Variants in FBXO15 observed in about 807,000 individuals in gnomAD.
FBXO15 encodes F-box only protein 15.
Under a neutral mutation model 49.5 loss-of-function variants are expected in FBXO15, and 30 were observed. The ratio of observed to expected loss-of-function variants is 0.61; its 90% CI spans 0.45 to 0.82. FBXO15 has a LOEUF of 0.82. Among genes scored for constraint, FBXO15 ranks in the 40% least tolerant of loss-of-function variants. The probability of loss-of-function intolerance (pLI) is 0.00; values close to 1 mark genes in which losing one functional copy is unlikely to be tolerated. For synonymous variants in FBXO15, 250 were observed against 232.7 expected (o/e 1.07, Z -0.68); for missense variants, 591 against 631.5 (o/e 0.94, Z 0.69).
intron 2 of FBXO15, among the ~76,000 whole-genome samples, chr18:74,136,743 A>T (rs1978748561): frequency 6.6e-6 from 1 of 152,228 alleles, no homozygotes; most frequent in Admixed American, 6.5e-5. Context: ...TCTGAAAGCG[A>T]CTAGAAAGTA....
chr18:74,084,466 G>A (rs1015605727), intron 8 of FBXO15, among the ~76,000 whole-genome samples: 2 of 152,242 alleles, frequency 1.3e-5, no homozygotes, highest in African/African-American at 4.8e-5. Context: ...AGGTTCTGAG[G>A]CTGCTAATGG....
At chr18:74,140,886 T>TA (rs940812502) in intron 1 of FBXO15, 1 of 152,222 alleles carries the variant, frequency 6.6e-6, no homozygotes, top group South Asian at 2.1e-4. Context: ...AAGTTTTTTT[T>TA]AAAAAACTTA....
chr18:74,082,189 C>T (rs1220770302), intron 8 of FBXO15, 138 bp from the exon 9 acceptor site: 4 of 678,228 alleles, frequency 5.9e-6, no homozygotes, highest in Non-Finnish European at 9.2e-6. Context: ...ATGGGCACAG[C>T]AATCCCAGCC....
intron 2 of FBXO15, among the ~76,000 whole-genome samples, chr18:74,138,963 C>T (rs1978893290): frequency 6.6e-6 from 1 of 152,182 alleles, no homozygotes; most frequent in Non-Finnish European, 1.5e-5. Flanking sequence ...TGGGAAACTA[C>T]ATGGCATCCA....
At chr18:74,095,504 C>T (rs966048021) in intron 8 of FBXO15, among the ~76,000 whole-genome samples, 1 of 152,168 alleles carries the variant, frequency 6.6e-6, no homozygotes, top group African/African-American at 2.4e-5. Context: ...GACGGCTGAA[C>T]AGCTGGCCAG....
chr18:74,094,673 G>A (rs1406160063), intron 8 of FBXO15, among the ~76,000 whole-genome samples: 2 of 152,182 alleles, frequency 1.3e-5, no homozygotes, highest in Admixed American at 6.5e-5. Flanking sequence ...ATACAGCAGA[G>A]ACAAAGTAGA....
intron 8 of FBXO15, among the ~76,000 whole-genome samples, chr18:74,119,907 C>A (rs1474738782): frequency 6.6e-6 from 1 of 152,196 alleles, no homozygotes; most frequent in African/African-American, 2.4e-5. Flanking sequence ...GCAGCCATCT[C>A]ACCTCATCTC....
chr18:74,079,896 T>C (rs1441405705), intron 9 of FBXO15, among the ~76,000 whole-genome samples: 2 of 152,160 alleles, frequency 1.3e-5, no homozygotes, highest in East Asian at 3.9e-4. Flanking sequence ...GGCAGCATCC[T>C]CCGTCATTAT....
chr18:74,116,382 G>C (rs1380655742), intron 8 of FBXO15, among the ~76,000 whole-genome samples: 4 of 152,126 alleles, frequency 2.6e-5, no homozygotes, highest in Non-Finnish European at 4.4e-5. Context: ...ATGCTACTTT[G>C]CAAGTTTGAT....
At chr18:74,123,116 A>T (rs1182178262) in intron 8 of FBXO15, 5 of 381,072 alleles carry the variant, frequency 1.3e-5, no homozygotes, top group Non-Finnish European at 1.9e-5. Flanking sequence ...TCAGTAGAGA[A>T]GATGAGTAGG....
intron 7 of FBXO15, among the ~76,000 whole-genome samples, chr18:74,123,845 G>C (rs935001527): frequency 6.6e-6 from 1 of 152,132 alleles, no homozygotes; most frequent in Admixed American, 6.5e-5. Context: ...GGGGACAAAA[G>C]TGCTCAGCAG....
chr18:74,138,752 T>C (rs1250617812), intron 2 of FBXO15, among the ~76,000 whole-genome samples: 1 of 152,102 alleles, frequency 6.6e-6, no homozygotes. Context: ...CTCTCTTCCA[T>C]CTCAGTCAAC....
Position 74,140,205 on chromosome 18 carries a change from T to G in FBXO15, c.224A>C (p.Asp75Ala). Residue 75 changes from aspartate (D) to alanine (A), a missense_variant, in exon 2 of 10, where the codon GAT becomes GCT. Coordinates refer to ENST00000419743, the MANE Select transcript of FBXO15 (RefSeq NM_001142958.2). ...SSFSCCSGFL[D>A]GMPSEILLKI... ...ACAGTCTACTTCTGCTACTTACCCA[T>G]CCAGGAACCCAGAACAGCAGGAGAA... 6.4e-7 allele frequency: 1 copy of G among 1,550,874 alleles called. No homozygotes were observed. Among genetic ancestry groups the G allele is most frequent in the South Asian group, 1.2e-5 (1 of 83,916 alleles).
rs1159559462 is a variant in FBXO15 at position 74,074,976 on chromosome 18, C to T, written c.1264-1246G>A. Among the ~76,000 whole-genome samples the T allele has an allele frequency of 1.3e-5, 2 of 152,206 alleles. No homozygotes were observed. Among genetic ancestry groups the T allele is most frequent in the African/African-American group, 2.4e-5 (1 of 41,450 alleles). On this transcript the variant is annotated intron_variant, in intron 9 of 9. Transcript: ENST00000419743. This position sits in a 1 kb window ranked among gnomAD's most constrained non-coding sequence, Gnocchi z 4.7. ...CTCCCTCACTCCCCTTGCAACACAC[C>T]TTAGGGCCAGGTCCAGCAAAACCCC...
At chr18:74,116,416 A>C (rs1057475793) in intron 8 of FBXO15, among the ~76,000 whole-genome samples, 3 of 152,196 alleles carry the variant, frequency 2.0e-5, no homozygotes, top group African/African-American at 7.2e-5. Flanking sequence ...TGGGGTTTTT[A>C]ATAGGATTGC....
chr18:74,147,581 T>G, intron 1 of FBXO15, 89 bp downstream of exon 1: 2 of 1,317,000 alleles, frequency 1.5e-6, no homozygotes. Flanking sequence ...TGCGCCAAGC[T>G]GGACGAATAA....
chr18:74,107,612 C>T (rs1913829722), intron 8 of FBXO15, among the ~76,000 whole-genome samples: 1 of 152,102 alleles, frequency 6.6e-6, no homozygotes, highest in Admixed American at 6.5e-5. Flanking sequence ...GAAACCTGAG[C>T]TGTAAATGAT....
At chr18:74,083,480 C>T (rs906385223) in intron 8 of FBXO15, among the ~76,000 whole-genome samples, 20 of 152,348 alleles carry the variant, frequency 1.3e-4, no homozygotes, top group Middle Eastern at 3.4e-3. Context: ...CAAGGGAGGC[C>T]TCTGACTGGT....
chr18:74,108,927 A>G (rs1010559422), intron 8 of FBXO15, among the ~76,000 whole-genome samples: 2 of 152,210 alleles, frequency 1.3e-5, no homozygotes, highest in African/African-American at 2.4e-5. Context: ...AAGTGTTGAG[A>G]GAAAAAATCC....
Sources: allele counts gnomAD v4.1 joint callset (sites outside exome capture counted in the v4.1 genomes callset), GRCh38; gene constraint gnomAD v4.1.1; non-coding constraint Gnocchi (gnomAD v3.1); transcripts MANE v1.5; gene names NCBI Gene and HGNC (gene_info 2026-07-23, HGNC 2026-07-21).